The following MRTFB variants were observed in gnomAD, a reference collection of about 807,000 sequenced individuals.
MRTFB encodes myocardin-related transcription factor B.
Under a neutral mutation model 104.2 loss-of-function variants are expected in MRTFB, and 29 were observed. The ratio of observed to expected loss-of-function variants is 0.28; its 90% CI spans 0.21 to 0.38. The LOEUF (loss-of-function observed/expected upper bound fraction) is 0.38, where lower values mean the gene tolerates loss of function less well. Among genes scored for constraint, MRTFB ranks in the 10% least tolerant of loss-of-function variants. The probability of loss-of-function intolerance (pLI) is 1.00; values close to 1 mark genes in which losing one functional copy is unlikely to be tolerated. For synonymous variants in MRTFB, 535 were observed against 519.5 expected (o/e 1.03, Z -0.41); for missense variants, 1,270 against 1,341.6 (o/e 0.95, Z 0.83).
chr16:14,254,288 A>G (rs183109419), intron 15 of MRTFB, among the ~76,000 whole-genome samples: 1 of 152,356 alleles, frequency 6.6e-6, no homozygotes, highest in Non-Finnish European at 1.5e-5. Context: ...GATAATAGCT[A>G]TTAATGTGGG....
chr16:14,209,910 A>G (rs1413832640), intron 3 of MRTFB, among the ~76,000 whole-genome samples: 1 of 152,332 alleles, frequency 6.6e-6, no homozygotes, highest in East Asian at 1.9e-4. Context: ...TTATTTCTAT[A>G]AATTAGATTT....
chr16:14,216,383 T>G (rs974560016), intron 6 of MRTFB, among the ~76,000 whole-genome samples: 3 of 152,220 alleles, frequency 2.0e-5, no homozygotes, highest in Admixed American at 1.3e-4. Context: ...TAAACATTTT[T>G]TAGAACAATG....
chr16:14,015,804 T>C, the MRTFB span: 8 of 397,922 alleles, frequency 2.0e-5, no homozygotes, highest in African/African-American at 1.6e-4. Flanking sequence ...CTGTCTTCAC[T>C]TGAAGAAGGC....
chr16:14,155,122 C>G (rs1159307371), intron 3 of MRTFB, among the ~76,000 whole-genome samples: 1 of 152,102 alleles, frequency 6.6e-6, no homozygotes, highest in Non-Finnish European at 1.5e-5. Context: ...TGTTCTGTCT[C>G]ACTTCATTCT....
At chr16:14,225,655 AGC>A in intron 8 of MRTFB, among the ~76,000 whole-genome samples, 1 of 145,852 alleles carries the variant, frequency 6.9e-6, no homozygotes, top group African/African-American at 2.7e-5. Context: ...CCATCCAGAA[AGC>A]ATTCATTCAT....
intron 3 of MRTFB, among the ~76,000 whole-genome samples, chr16:14,164,876 TTAAAGTAAAA>T (rs1259953760): frequency 6.6e-6 from 1 of 151,964 alleles, no homozygotes; most frequent in African/African-American, 2.4e-5. Context: ...TTTTGCTTGC[TTAAAGTAAAA>T]TAATTATCGA....
chr16:14,025,496 A>G, the MRTFB span, among the ~76,000 whole-genome samples: 1 of 152,160 alleles, frequency 6.6e-6, no homozygotes, highest in East Asian at 1.9e-4. Context: ...CTTGTTAGGT[A>G]TTAGAGAATA....
the MRTFB span, among the ~76,000 whole-genome samples, chr16:14,012,638 A>G: frequency 6.6e-6 from 1 of 152,052 alleles, no homozygotes; most frequent in East Asian, 1.9e-4. Context: ...CATCCTCAGG[A>G]CAACTCTGAG....
chr16:14,189,504 T>C (rs766322573), intron 3 of MRTFB, among the ~76,000 whole-genome samples: 6 of 152,234 alleles, frequency 3.9e-5, no homozygotes, highest in Non-Finnish European at 7.3e-5. Context: ...TTTGTGCTGT[T>C]TTGTCAAAAG....
chr16:14,244,197 G>T (rs188265300), intron 10 of MRTFB, among the ~76,000 whole-genome samples: 5 of 152,092 alleles, frequency 3.3e-5, no homozygotes, highest in African/African-American at 1.2e-4. Flanking sequence ...GTACACCTAC[G>T]TGCATCTTTG....
intron 3 of MRTFB, among the ~76,000 whole-genome samples, chr16:14,166,334 CT>C (rs956965514): frequency 1.3e-4 from 20 of 151,240 alleles, no homozygotes; most frequent in East Asian, 1.2e-3. Flanking sequence ...TATAATTAAC[CT>C]TTTTTTATAC....
At chr16:14,079,626 A>G (rs914950016) in intron 2 of MRTFB, among the ~76,000 whole-genome samples, 1 of 152,228 alleles carries the variant, frequency 6.6e-6, no homozygotes, top group Non-Finnish European at 1.5e-5. Flanking sequence ...TCTAGCAAGT[A>G]GAAACCCATA....
At chr16:14,241,739 T>G (rs1010875047) in intron 10 of MRTFB, among the ~76,000 whole-genome samples, 3 of 152,112 alleles carry the variant, frequency 2.0e-5, no homozygotes, top group African/African-American at 7.2e-5. Context: ...TGTGAAGTAC[T>G]TAAATCTAAA....
At chr16:14,042,506 T>C in the MRTFB span, among the ~76,000 whole-genome samples, 2 of 152,302 alleles carry the variant, frequency 1.3e-5, no homozygotes, top group Middle Eastern at 3.4e-3. Flanking sequence ...GGATTGGACA[T>C]CTGTAGGCAA....
At chr16:14,108,764 A>C (rs1271186115) in intron 2 of MRTFB, among the ~76,000 whole-genome samples, 1 of 152,204 alleles carries the variant, frequency 6.6e-6, no homozygotes, top group Non-Finnish European at 1.5e-5. Flanking sequence ...TGGTGAACTT[A>C]TTATGTGTGT....
the MRTFB span, among the ~76,000 whole-genome samples, chr16:14,017,711 A>ATATATATT: frequency 1.3e-3 from 43 of 33,594 alleles, 4 homozygotes; most frequent in African/African-American, 5.7e-3. Flanking sequence ...ATATATATAT[A>ATATATATT]TTTTTTTTTT....
intron 3 of MRTFB, among the ~76,000 whole-genome samples, chr16:14,192,256 C>T (rs2040220848): frequency 6.6e-6 from 1 of 151,922 alleles, no homozygotes; most frequent in East Asian, 1.9e-4. Flanking sequence ...AGCCTGTAGG[C>T]TTACCTACTT....
chr16:14,171,011 T>C (rs1244794051), intron 3 of MRTFB, among the ~76,000 whole-genome samples: 1 of 152,228 alleles, frequency 6.6e-6, no homozygotes, highest in Non-Finnish European at 1.5e-5. Flanking sequence ...GTTACTGTTA[T>C]TTATTTTGAT....
intron 3 of MRTFB, among the ~76,000 whole-genome samples, chr16:14,208,745 TAGTAA>T (rs1011993979): frequency 3.3e-5 from 5 of 152,228 alleles, no homozygotes; most frequent in Admixed American, 1.3e-4. Context: ...ATTTTGTTCT[TAGTAA>T]AGTACAGTGG....
Sources: gnomAD v4.1 joint callset for allele counts (sites outside exome capture counted in the v4.1 genomes callset) on GRCh38, gnomAD v4.1.1 for gene constraint, MANE v1.5 for transcripts, NCBI Gene and HGNC (gene_info 2026-07-23, HGNC 2026-07-21) for gene names.